KCNH8: variants seen among roughly 807,000 people sequenced by gnomAD.
The protein encoded by KCNH8 is potassium voltage-gated channel subfamily H member 8.
In KCNH8, 70 loss-of-function variants were observed where a neutral mutation model predicts 103.6. The observed-to-expected ratio is 0.68, with a 90% CI of 0.56 to 0.82. The LOEUF (loss-of-function observed/expected upper bound fraction) is 0.82, where lower values mean the gene tolerates loss of function less well. KCNH8 is among the 40% of genes least tolerant of loss of function. The pLI, the probability that KCNH8 is intolerant of heterozygous loss-of-function variation, is 0.00. For missense variants in KCNH8, 1,217 were observed against 1,329.9 expected (o/e 0.92, Z 1.32); for synonymous variants, 498 against 489.4 (o/e 1.02, Z -0.23).
intron 1 of KCNH8, among the ~76,000 whole-genome samples, chr3:19,239,681 T>TAC (rs2064113186): frequency 6.5e-5 from 9 of 138,586 alleles, no homozygotes; most frequent in African/African-American, 2.3e-4. Flanking sequence ...TATCTATCTA[T>TAC]CTACCTACCT....
intron 11 of KCNH8, among the ~76,000 whole-genome samples, chr3:19,465,974 G>C (rs139834082): frequency 6.6e-6 from 1 of 152,074 alleles, no homozygotes; most frequent in East Asian, 1.9e-4. Context: ...TCACTCTGTT[G>C]CACAGGCTGG....
chr3:19,529,371 CT>C (rs2069121807), intron 15 of KCNH8, among the ~76,000 whole-genome samples: 1 of 152,112 alleles, frequency 6.6e-6, no homozygotes, highest in Non-Finnish European at 1.5e-5. Context: ...CTTTTAAGTT[CT>C]AGAGTACATG....
intron 2 of KCNH8, among the ~76,000 whole-genome samples, chr3:19,260,464 TTAATA>T (rs2064415530): frequency 8.1e-6 from 1 of 123,408 alleles, no homozygotes; most frequent in African/African-American, 2.9e-5. Flanking sequence ...TTGTGTATAT[TTAATA>T]TATGTATTAC....
intron 3 of KCNH8, among the ~76,000 whole-genome samples, chr3:19,327,344 C>T (rs761258966): frequency 1.3e-5 from 2 of 152,198 alleles, no homozygotes; most frequent in Non-Finnish European, 2.9e-5. Context: ...CAGACGAGTG[C>T]AGTGGTGTGA....
intron 1 of KCNH8, among the ~76,000 whole-genome samples, chr3:19,149,094 G>A (rs1414127680): frequency 6.6e-6 from 1 of 152,154 alleles, no homozygotes; most frequent in Non-Finnish European, 1.5e-5. Flanking sequence ...TGTATCTTTA[G>A]GGAATTGGTT....
chr3:19,410,124 C>T (rs1470297205), intron 7 of KCNH8, among the ~76,000 whole-genome samples: 1 of 151,886 alleles, frequency 6.6e-6, no homozygotes, highest in Non-Finnish European at 1.5e-5. Flanking sequence ...ATCATGTGCT[C>T]AATAAATTAA....
chr3:19,503,675 A>G lies in KCNH8; in HGVS notation c.2041-6688A>G, dbSNP rs532880042. The stretch of plus-strand genomic sequence containing the variant: ...TCATCATTCTCAGTAAACTATCTCA[A>G]GAACAAAAAACCAAACACCGCATAT... On this transcript the variant is annotated intron_variant, in intron 11 of 15. Transcript: ENST00000328405. Among the ~76,000 whole-genome samples the G allele has an allele frequency of 8.4e-3, 1,283 of 151,960 alleles. 15 individuals carry two copies. Among genetic ancestry groups the G allele is most frequent in the South Asian group, 0.02 (94 of 4,808 alleles).
rs1382524765 is a variant in KCNH8, at chr3:19,510,330, T to G, written c.2041-33T>G. ...CCCAGTCCCAAACCACCAGGATATGTAAAATGATTAATACTTCTGTTTGTT... is the reference window on the plus strand; with the variant it reads ...CCCAGTCCCAAACCACCAGGATATGGAAAATGATTAATACTTCTGTTTGTT... On this transcript the variant is annotated intron_variant, in intron 11 of 15. Transcript: ENST00000328405. 2.9e-6 allele frequency: 4 copies of G among 1,388,128 alleles called. No individual in the cohort carries two copies. The Admixed American group carries it at 6.7e-5, about 23-fold the overall frequency. The allele number at this position is 1,388,128 out of a possible 1,614,324, so 86.0% of individuals were successfully genotyped here.
intron 3 of KCNH8, among the ~76,000 whole-genome samples, chr3:19,329,160 C>T (rs1043783872): frequency 5.3e-5 from 8 of 152,106 alleles, no homozygotes; most frequent in Non-Finnish European, 1.0e-4. Context: ...AAGGGCATTC[C>T]GAGGCTTCCC....
At chr3:19,255,891 C>T (rs2064340496) in intron 2 of KCNH8, among the ~76,000 whole-genome samples, 1 of 152,074 alleles carries the variant, frequency 6.6e-6, no homozygotes, top group South Asian at 2.1e-4. Flanking sequence ...AAATGCAGAG[C>T]AACAAGATAG....
intron 1 of KCNH8, among the ~76,000 whole-genome samples, chr3:19,164,086 A>C (rs1413023412): frequency 6.6e-6 from 1 of 152,220 alleles, no homozygotes; most frequent in Non-Finnish European, 1.5e-5. Flanking sequence ...TAAATATTAA[A>C]TATTCAACAG....
chr3:19,428,942 C>A (rs2125163827), intron 7 of KCNH8, among the ~76,000 whole-genome samples: 1 of 152,162 alleles, frequency 6.6e-6, no homozygotes, highest in Non-Finnish European at 1.5e-5. Context: ...ATTCTATCTA[C>A]TTCTTATTTT....
chr3:19,505,021 A>G (rs532042993), intron 11 of KCNH8, among the ~76,000 whole-genome samples: 2 of 151,112 alleles, frequency 1.3e-5, no homozygotes, highest in African/African-American at 4.9e-5. Context: ...TATAATATAT[A>G]TGTATGTGTA....
chr3:19,200,753 A>G (rs2125217090), intron 1 of KCNH8, among the ~76,000 whole-genome samples: 1 of 152,126 alleles, frequency 6.6e-6, no homozygotes, highest in South Asian at 2.1e-4. Flanking sequence ...CTTTGATCAA[A>G]CTTTAATACA....
At chr3:19,450,073 C>G in intron 8 of KCNH8, 33 bp from the exon 9 acceptor site, 1 of 1,580,194 alleles carries the variant, frequency 6.3e-7, no homozygotes, top group South Asian at 1.1e-5. Flanking sequence ...TGTCACATTT[C>G]TCTTCCATTA....
chr3:19,172,379 G>A (rs891108751), intron 1 of KCNH8, among the ~76,000 whole-genome samples: 43 of 150,026 alleles, frequency 2.9e-4, no homozygotes, highest in African/African-American at 1.1e-3. Context: ...CCAGTGCCTT[G>A]CAGAGTGTCA....
chr3:19,531,829 A>G (rs1045558930), intron 15 of KCNH8, among the ~76,000 whole-genome samples: 1 of 150,700 alleles, frequency 6.6e-6, no homozygotes, highest in Non-Finnish European at 1.5e-5. Context: ...AAGTTGAACT[A>G]CCTCTTTTTG....
chr3:19,419,301 G>A (rs1031016046), intron 7 of KCNH8, among the ~76,000 whole-genome samples: 18 of 145,404 alleles, frequency 1.2e-4, no homozygotes, highest in Non-Finnish European at 2.2e-4. Context: ...CCGGGTTCAC[G>A]CCATTCTCCT....
chr3:19,321,542 C>T (rs561353296), intron 3 of KCNH8, among the ~76,000 whole-genome samples: 87 of 151,898 alleles, frequency 5.7e-4, no homozygotes, highest in South Asian at 1.5e-3. Flanking sequence ...TGGTCTGAGA[C>T]AGTACTTGAT....
Sources: allele counts gnomAD v4.1 joint callset (sites outside exome capture counted in the v4.1 genomes callset), GRCh38; gene constraint gnomAD v4.1.1; transcripts MANE v1.5; gene names NCBI Gene and HGNC (gene_info 2026-07-23, HGNC 2026-07-21).